The following ATP10B variants were observed in gnomAD, a reference collection of about 807,000 sequenced individuals.
ATP10B encodes phospholipid-transporting ATPase VB.
Under a neutral mutation model 141.2 loss-of-function variants are expected in ATP10B, and 122 were observed. That is an observed-to-expected ratio of 0.86 (90% CI 0.75 to 1.00). ATP10B has a LOEUF of 1.00. Ranked by LOEUF, ATP10B falls within the 50% of genes least tolerant of loss-of-function variation. The pLI is 0.00. For missense variants in ATP10B, 1,876 were observed against 1,825.3 expected (o/e 1.03, Z -0.51); for synonymous variants, 685 against 692.0 (o/e 0.99, Z 0.16).
chr5:160,648,554 A>G lies in ATP10B; in HGVS notation c.761+617T>C, dbSNP rs372099559. 7.9e-5 allele frequency among the ~76,000 whole-genome samples: 12 copies of G among 152,306 alleles called. No homozygotes were observed. The East Asian group carries it at 2.3e-3, about 29-fold the overall frequency. ...TGCAGTAAAATGCTTAGGCTGAACC[A>G]AAGTTGAGGAATAAGAATAACAATT... On this transcript the variant is annotated intron_variant, in intron 8 of 25. Coordinates refer to ENST00000327245, the MANE Select transcript of ATP10B (RefSeq NM_025153.3).
chr5:160,766,736 TTGAA>T (rs1561832469), intron 2 of ATP10B, among the ~76,000 whole-genome samples: 1 of 152,112 alleles, frequency 6.6e-6, no homozygotes, highest in African/African-American at 2.4e-5. Context: ...CCCAAAACGA[TTGAA>T]TAATAATTTA....
intron 6 of ATP10B, 114 bp from the exon 7 acceptor site, chr5:160,670,781 T>C (rs897149981): frequency 4.5e-6 from 4 of 893,840 alleles, no homozygotes; most frequent in South Asian, 1.6e-5. Flanking sequence ...CAGCCTGTCA[T>C]GAGATTGCCT....
intron 3 of ATP10B, among the ~76,000 whole-genome samples, chr5:160,706,775 C>A (rs1765039906): frequency 6.6e-6 from 1 of 152,080 alleles, no homozygotes; most frequent in African/African-American, 2.4e-5. Context: ...ATGAACTAAA[C>A]AACAGACTAT....
chr5:160,716,775 T>C (rs775746842), intron 3 of ATP10B, 134 bp downstream of exon 3: 19 of 588,572 alleles, frequency 3.2e-5, no homozygotes, highest in Non-Finnish European at 3.9e-5. Context: ...GTTTTTTCTG[T>C]TCCATCATCC....
At chr5:160,568,031 T>C (rs1561609786) in intron 25 of ATP10B, among the ~76,000 whole-genome samples, 1 of 152,170 alleles carries the variant, frequency 6.6e-6, no homozygotes. Flanking sequence ...TCAAGATTAA[T>C]TCCCTGGGGC....
chr5:160,884,029 C>T, the ATP10B span, among the ~76,000 whole-genome samples: 11 of 152,082 alleles, frequency 7.2e-5, no homozygotes, highest in East Asian at 3.8e-4. Context: ...TTCAAATGAA[C>T]GAATTGTACA....
At chr5:160,577,618 T>C (rs1755277465) in intron 24 of ATP10B, among the ~76,000 whole-genome samples, 1 of 152,172 alleles carries the variant, frequency 6.6e-6, no homozygotes, top group South Asian at 2.1e-4. Context: ...CCATTAAAAG[T>C]GCTAGTATTT....
chr5:160,725,720 C>G (rs1336645849), intron 2 of ATP10B, among the ~76,000 whole-genome samples: 1 of 152,242 alleles, frequency 6.6e-6, no homozygotes, highest in African/African-American at 2.4e-5. Context: ...GCTGGGATTA[C>G]AGGCGTGAGC....
chr5:160,818,288 C>G (rs563591018), intron 1 of ATP10B, among the ~76,000 whole-genome samples: 6 of 152,132 alleles, frequency 3.9e-5, no homozygotes, highest in Non-Finnish European at 8.8e-5. Context: ...ACAATGAACT[C>G]AAACAAATTT....
intron 1 of ATP10B, among the ~76,000 whole-genome samples, chr5:160,799,345 T>C (rs555692755): frequency 9.5e-4 from 145 of 152,282 alleles, no homozygotes; most frequent in African/African-American, 3.3e-3. Flanking sequence ...TTTCAAAACA[T>C]GTCCCTTCTA....
In ATP10B at chr5:160,602,558, G is replaced by A; in HGVS notation, c.3363+19C>T. Reference sequence around the variant, plus strand: ...GGCCTGCCAAAGCCCTGGGTGAGAGGACGCCATAGGCTACTTACCACGTTC... The same window carrying A: ...GGCCTGCCAAAGCCCTGGGTGAGAGAACGCCATAGGCTACTTACCACGTTC... On this transcript the variant is annotated intron_variant, in intron 21 of 25. Transcript: ENST00000327245. 1.2e-6 allele frequency: 2 copies of A among 1,613,308 alleles called. No individual in the cohort carries two copies. Among genetic ancestry groups the A allele is most frequent in the Non-Finnish European group, 1.7e-6 (2 of 1,179,518 alleles).
intron 2 of ATP10B, among the ~76,000 whole-genome samples, chr5:160,734,519 C>T (rs1320050376): frequency 2.0e-5 from 3 of 151,670 alleles, no homozygotes; most frequent in African/African-American, 7.3e-5. Flanking sequence ...TCTAAGTAGA[C>T]TATTAAAAGT....
chr5:160,663,640 G>C (rs1762114276), intron 7 of ATP10B, among the ~76,000 whole-genome samples: 1 of 149,274 alleles, frequency 6.7e-6, no homozygotes, highest in South Asian at 2.2e-4. Flanking sequence ...GGCCTGTTGT[G>C]GGGTGGGGAG....
chr5:160,650,382 T>C (rs1236881912), intron 7 of ATP10B, among the ~76,000 whole-genome samples: 1 of 152,152 alleles, frequency 6.6e-6, no homozygotes, highest in Non-Finnish European at 1.5e-5. Flanking sequence ...CCTTATACAA[T>C]GGCTGGAATG....
chr5:160,703,539 C>T (rs990670327), intron 3 of ATP10B, among the ~76,000 whole-genome samples: 21 of 151,242 alleles, frequency 1.4e-4, no homozygotes, highest in South Asian at 2.1e-4. Context: ...GTGCATGGTG[C>T]GATCTTGGCT....
intron 7 of ATP10B, among the ~76,000 whole-genome samples, chr5:160,649,989 A>C (rs1019944882): frequency 6.6e-6 from 1 of 151,792 alleles, no homozygotes; most frequent in African/African-American, 2.4e-5. Flanking sequence ...TGTGCCTCTA[A>C]TCTCAGCTAC....
chr5:160,575,967 T>C (rs547325500), intron 24 of ATP10B, among the ~76,000 whole-genome samples: 1 of 152,200 alleles, frequency 6.6e-6, no homozygotes, highest in Non-Finnish European at 1.5e-5. Flanking sequence ...AGTAGTCCTT[T>C]CTACATTACG....
At chr5:160,827,676 C>A (rs1056471003) in intron 1 of ATP10B, among the ~76,000 whole-genome samples, 1 of 152,130 alleles carries the variant, frequency 6.6e-6, no homozygotes, top group Non-Finnish European at 1.5e-5. Context: ...AGGGCATTTC[C>A]TAGGTTTTCT....
At chr5:160,921,245 A>G in the ATP10B span, among the ~76,000 whole-genome samples, 1 of 151,568 alleles carries the variant, frequency 6.6e-6, no homozygotes, top group African/African-American at 2.4e-5. Flanking sequence ...TTAAAAAGCC[A>G]CAAATAGCAG....
Sources: allele counts gnomAD v4.1 joint callset (sites outside exome capture counted in the v4.1 genomes callset), GRCh38; gene constraint gnomAD v4.1.1; transcripts MANE v1.5; gene names NCBI Gene and HGNC (gene_info 2026-07-23, HGNC 2026-07-21).